Variants in CDH1 observed in about 807,000 individuals in gnomAD.
The protein encoded by CDH1 is cadherin 1, also known as cadherin-1.
A neutral mutation model predicts 84.5 loss-of-function variants in CDH1; 35 were observed. The ratio of observed to expected loss-of-function variants is 0.41; its 90% CI spans 0.32 to 0.55. The LOEUF is 0.55. Among genes scored for constraint, CDH1 ranks in the 20% least tolerant of loss-of-function variants. CDH1 has a pLI of 0.19. For missense variants in CDH1, 994 were observed against 1,126.6 expected, an observed-to-expected ratio of 0.88 and a Z score of 1.68; for synonymous variants, 417 against 439.0, an observed-to-expected ratio of 0.95 and a Z score of 0.63.
chr16:68,766,489 C>G (rs774304191), intron 2 of CDH1, among the ~76,000 whole-genome samples: 2 of 152,060 alleles, frequency 1.3e-5, no homozygotes, highest in Non-Finnish European at 2.9e-5. Flanking sequence ...AATGTTTTCC[C>G]TCTGTAAAAT....
rs759380419 is a variant in CDH1 at position 68,829,732 on chromosome 16, A to G, written c.2374A>G (p.Met792Val). Reference sequence around the variant, plus strand: ...TCGTAACGACGTTGCACCAACCCTCATGAGTGTCCCCCGGTATCTTCCCCG... The same window carrying G: ...TCGTAACGACGTTGCACCAACCCTCGTGAGTGTCCCCCGGTATCTTCCCCG... ...VTRNDVAPTL[M>V]SVPRYLPRPA... Residue 792 changes from methionine to valine, a missense_variant, in exon 15 of 16, where the codon ATG becomes GTG. Around this residue, in one of 3 missense-constraint regions of CDH1, gnomAD observed 769 missense variants for 881.8 expected, o/e 0.87. Transcript: ENST00000261769. The G allele has an allele frequency of 5.6e-6, 9 of 1,614,012 alleles. 1 individual carries two copies. The highest frequency in any genetic ancestry group is 6.8e-6 in the Non-Finnish European group (8 of 1,179,970).
At chr16:68,752,643 G>A (rs1962913714) in intron 2 of CDH1, among the ~76,000 whole-genome samples, 2 of 152,012 alleles carry the variant, frequency 1.3e-5, no homozygotes, top group African/African-American at 2.4e-5. Flanking sequence ...GAGAAGGGAG[G>A]AGGGGTGTTC....
At chr16:68,750,214 C>G (rs1466068796) in intron 2 of CDH1, among the ~76,000 whole-genome samples, 1 of 138,740 alleles carries the variant, frequency 7.2e-6, no homozygotes, top group Admixed American at 8.1e-5. Context: ...AGCCGGTTTC[C>G]CTCTTGACCT....
chr16:68,782,452 A>G (rs1423945551), intron 2 of CDH1, among the ~76,000 whole-genome samples: 1 of 152,170 alleles, frequency 6.6e-6, no homozygotes, highest in African/African-American at 2.4e-5. Flanking sequence ...GGTGGGGGCC[A>G]CTCTGTAGTT....
chr16:68,832,423 C>A (rs1037925530), intron 15 of CDH1, among the ~76,000 whole-genome samples: 3 of 151,844 alleles, frequency 2.0e-5, no homozygotes, highest in African/African-American at 7.3e-5. Flanking sequence ...ATGCAGTGAG[C>A]CGAGATCATG....
chr16:68,766,431 A>G (rs1364312399), intron 2 of CDH1, among the ~76,000 whole-genome samples: 1 of 152,106 alleles, frequency 6.6e-6, no homozygotes, highest in Non-Finnish European at 1.5e-5. Flanking sequence ...CCCAAAATCC[A>G]GGGGACCAGT....
At chr16:68,797,668 C>G (rs1449459033) in intron 2 of CDH1, among the ~76,000 whole-genome samples, 1 of 152,082 alleles carries the variant, frequency 6.6e-6, no homozygotes, top group Non-Finnish European at 1.5e-5. Flanking sequence ...TGACAGAGAC[C>G]TGTCTCAAAA....
intron 2 of CDH1, among the ~76,000 whole-genome samples, chr16:68,761,324 A>G (rs961905505): frequency 3.9e-5 from 6 of 152,158 alleles, no homozygotes; most frequent in Non-Finnish European, 7.4e-5. Context: ...CCGCTGGGCT[A>G]TCCCATACCC....
intron 2 of CDH1, among the ~76,000 whole-genome samples, chr16:68,757,175 A>G (rs890477850): frequency 1.6e-4 from 25 of 151,806 alleles, no homozygotes; most frequent in Non-Finnish European, 3.2e-4. Flanking sequence ...TGCAACCTCC[A>G]CCTCCCAGGT....
rs536416208 is a variant in CDH1 at position 68,814,934 on chromosome 16, A to G, written c.1321-581A>G. Among the ~76,000 whole-genome samples the G allele has an allele frequency of 7.9e-5, 12 of 151,938 alleles. No homozygotes were observed. The South Asian group carries it at 2.3e-3, about 29-fold the overall frequency. ...GACTCCATCTCTTAAAAAAAAAAAA[A>G]AAAAAAGATGGCCGGGTGCAGTTGC... On this transcript the variant is annotated intron_variant, in intron 9 of 15. Transcript: ENST00000261769.
At chr16:68,753,647 A>G (rs1421506314) in intron 2 of CDH1, among the ~76,000 whole-genome samples, 1 of 152,090 alleles carries the variant, frequency 6.6e-6, no homozygotes, top group Non-Finnish European at 1.5e-5. Flanking sequence ...CATCTTACAA[A>G]TCTTTATGTA....
intron 2 of CDH1, among the ~76,000 whole-genome samples, chr16:68,749,592 C>T (rs1962836734): frequency 6.6e-6 from 1 of 152,196 alleles, no homozygotes; most frequent in Non-Finnish European, 1.5e-5. Context: ...GTGGGTCCTG[C>T]CAGTGACCTT....
At chr16:68,769,814 A>T (rs1224122906) in intron 2 of CDH1, among the ~76,000 whole-genome samples, 1 of 151,704 alleles carries the variant, frequency 6.6e-6, no homozygotes, top group Non-Finnish European at 1.5e-5. Context: ...CACGCTGGGG[A>T]CTACAGGTTT....
intron 3 of CDH1, among the ~76,000 whole-genome samples, chr16:68,807,975 G>A (rs1409280802): frequency 6.6e-6 from 1 of 152,214 alleles, no homozygotes; most frequent in Non-Finnish European, 1.5e-5. Flanking sequence ...AGGAGGCTGA[G>A]ATGGGAGGGA....
rs201625049 is a variant in CDH1 at position 68,822,078 on chromosome 16, C to A, written c.1789C>A (p.Pro597Thr). The change falls in exon 12 of 16, where the codon CCT becomes ACT. Residue 597 changes from proline (P) to threonine (T), a missense_variant. Transcript: ENST00000261769. ...DVNDNAPIPE[P>T]RTIFFCERNP... ...GAATGACAACGCCCCCATACCAGAA[C>A]CTCGAACTATATTCTTCTGTGAGAG... 1.2e-6 allele frequency: 2 copies of A among 1,614,146 alleles called. No homozygotes were observed. The highest frequency in any genetic ancestry group is 1.7e-5 in the Admixed American group (1 of 60,010).
intron 2 of CDH1, among the ~76,000 whole-genome samples, chr16:68,787,825 ATTTTT>A (rs58676133): frequency 2.0e-5 from 2 of 102,354 alleles, no homozygotes; most frequent in Non-Finnish European, 1.9e-5. Flanking sequence ...CGCCCGGCTA[ATTTTT>A]TTTTTTTTTT....
chr16:68,743,135 C>G (rs572619661), intron 2 of CDH1, among the ~76,000 whole-genome samples: 25 of 152,260 alleles, frequency 1.6e-4, no homozygotes, highest in Non-Finnish European at 3.4e-4. Flanking sequence ...GGCTTTTCTT[C>G]CAAAATGCTC....
rs71148949 is a variant in CDH1, at chr16:68,777,534, C to CTTTTTTTTT, written c.164-24121_164-24113dup. On this transcript the variant is annotated intron_variant, in intron 2 of 15. Coordinates refer to ENST00000261769, the MANE Select transcript of CDH1 (RefSeq NM_004360.5). ...AGTGTTCTAGAAAAGGTAATGTTTC[C>CTTTTTTTTT]TTTTTTTTTTTTTTTTTTTTTTTGA... Among the ~76,000 whole-genome samples, 45 of 76,982 alleles carry CTTTTTTTTT rather than the reference C, an allele frequency of 5.8e-4. 1 individual carries two copies. Among genetic ancestry groups the CTTTTTTTTT allele is most frequent in the East Asian group, 8.6e-4 (2 of 2,314 alleles). The allele number at this position is 76,982 out of a possible 152,430, so 50.5% of individuals were successfully genotyped here.
intron 13 of CDH1, among the ~76,000 whole-genome samples, 168 bp downstream of exon 13, chr16:68,823,794 TG>T (rs1327570261): frequency 6.6e-6 from 1 of 152,168 alleles, no homozygotes; most frequent in African/African-American, 2.4e-5. Flanking sequence ...TGTCTCTTAC[TG>T]AACATTTCAG....
Sources: gnomAD v4.1 joint callset for allele counts (sites outside exome capture counted in the v4.1 genomes callset) on GRCh38, gnomAD v4.1.1 for gene constraint, gnomAD v4.1.1 regional missense constraint, MANE v1.5 for transcripts, NCBI Gene and HGNC (gene_info 2026-07-23, HGNC 2026-07-21) for gene names.